The following KLHL3 variants were observed in gnomAD, a reference collection of about 807,000 sequenced individuals.
KLHL3 encodes the protein kelch-like protein 3.
In KLHL3, 19 loss-of-function variants were observed where a neutral mutation model predicts 70.5. The ratio of observed to expected loss-of-function variants is 0.27; its 90% CI spans 0.19 to 0.40. KLHL3 has a LOEUF of 0.40. Among genes scored for constraint, KLHL3 ranks in the 10% least tolerant of loss-of-function variants. KLHL3 has a pLI of 1.00. For synonymous variants in KLHL3, 258 were observed against 290.3 expected, an observed-to-expected ratio of 0.89 and a Z score of 1.13; for missense variants, 512 against 771.1, an observed-to-expected ratio of 0.66 and a Z score of 3.98.
Position 137,709,731 on chromosome 5 carries a change from T to C in KLHL3, c.241+19A>G, listed in dbSNP as rs764423933. The C allele has an allele frequency of 1.9e-6, 3 of 1,587,444 alleles. No homozygotes were observed. The highest frequency in any genetic ancestry group is 2.2e-5 in the South Asian group (2 of 90,598). On this transcript the variant is annotated intron_variant, in intron 3 of 14. Transcript: ENST00000309755. ...CTGCAGCCCCATAACCATGGGTTAA[T>C]GGTGGCCACTCACCATACCTGTGAA...
intron 11 of KLHL3, among the ~76,000 whole-genome samples, chr5:137,635,308 C>A (rs888293317): frequency 6.6e-6 from 1 of 151,946 alleles, no homozygotes. Flanking sequence ...AGAAACACAT[C>A]GTCCTCAGTT....
chr5:137,641,645 G>A (rs967423502), intron 8 of KLHL3, among the ~76,000 whole-genome samples: 24 of 152,154 alleles, frequency 1.6e-4, no homozygotes, highest in Non-Finnish European at 2.9e-4. Context: ...CCATACGGGA[G>A]GCAAAACCAG....
At chr5:137,688,313 G>A (rs1268685754) in intron 5 of KLHL3, among the ~76,000 whole-genome samples, 1 of 152,206 alleles carries the variant, frequency 6.6e-6, no homozygotes, top group Non-Finnish European at 1.5e-5. Context: ...TCAGCCTGAA[G>A]ATCATGCTGA....
intron 3 of KLHL3, among the ~76,000 whole-genome samples, chr5:137,708,529 TA>T (rs1752727283): frequency 6.6e-6 from 1 of 152,166 alleles, no homozygotes; most frequent in Non-Finnish European, 1.5e-5. Flanking sequence ...CTCACTCATT[TA>T]AAAAATATTT....
At chr5:137,624,057 C>T (rs1210787971) in intron 14 of KLHL3, among the ~76,000 whole-genome samples, 1 of 152,210 alleles carries the variant, frequency 6.6e-6, no homozygotes, top group East Asian at 1.9e-4. Flanking sequence ...CATTAAAAAT[C>T]CATAAACTAT....
chr5:137,633,966 A>G (rs1462951411), intron 12 of KLHL3, 71 bp downstream of exon 12: 1 of 1,601,440 alleles, frequency 6.2e-7, no homozygotes. Flanking sequence ...AATCTAAAAT[A>G]AAACAAAAAA....
intron 3 of KLHL3, among the ~76,000 whole-genome samples, chr5:137,701,889 A>T (rs1461283635): frequency 6.6e-6 from 1 of 152,238 alleles, no homozygotes; most frequent in Non-Finnish European, 1.5e-5. Flanking sequence ...GAACTTTCAG[A>T]GAATGTCTGT....
rs148772726 is a variant in KLHL3, at chr5:137,625,230, T to A, written c.1735+523A>T. ...TTGTGATCCACCCTCAAAGTTTAATTGAGCCTATCTCCTCCAGGAAGGGTT... is the reference window on the plus strand; with the variant it reads ...TTGTGATCCACCCTCAAAGTTTAATAGAGCCTATCTCCTCCAGGAAGGGTT... On this transcript the variant is annotated intron_variant, in intron 14 of 14. Coordinates refer to ENST00000309755, the MANE Select transcript of KLHL3 (RefSeq NM_017415.3). 6.6e-3 allele frequency among the ~76,000 whole-genome samples: 1,003 copies of A among 152,390 alleles called. 11 individuals are homozygous for A. The highest frequency in any genetic ancestry group is 0.022 in the African/African-American group (933 of 41,598).
At position 137,720,419 on chromosome 5, in the gene KLHL3, T is replaced by C. The variant is rs752470011; in HGVS notation, c.134+46A>G. 1.4e-5 allele frequency: 23 copies of C among 1,611,378 alleles called. No individual in the cohort carries two copies. In the Admixed American group the frequency reaches 2.7e-4, roughly 19 times the overall value. ...TGTTCTCAGTCCTTGATGAAGCTCA[T>C]GGACAAGTTCCTTCTGCAAGGGCAC... On this transcript the variant is annotated intron_variant, in intron 2 of 14. Transcript: ENST00000309755.
intron 1 of KLHL3, among the ~76,000 whole-genome samples, chr5:137,724,779 C>T (rs927437057): frequency 1.3e-5 from 2 of 152,160 alleles, no homozygotes; most frequent in African/African-American, 4.8e-5. Flanking sequence ...TTCTTGGCAA[C>T]TCTAACCTTC....
At chr5:137,658,052 A>C in intron 8 of KLHL3, 79 bp downstream of exon 8, 1 of 1,412,486 alleles carries the variant, frequency 7.1e-7, no homozygotes, top group Non-Finnish European at 9.7e-7. Context: ...TGGGTGAGGA[A>C]AGACTTGGAG....
intron 11 of KLHL3, among the ~76,000 whole-genome samples, chr5:137,636,675 A>G (rs1465114623): frequency 2.0e-5 from 3 of 152,170 alleles, no homozygotes; most frequent in Non-Finnish European, 4.4e-5. Flanking sequence ...TCTCCTTCAC[A>G]AGGGTTTTGC....
intron 1 of KLHL3, among the ~76,000 whole-genome samples, chr5:137,734,371 C>T (rs770690658): frequency 2.1e-4 from 32 of 152,144 alleles, no homozygotes; most frequent in Non-Finnish European, 3.7e-4. Flanking sequence ...AAAGAGCACC[C>T]AGAAAGAGAA....
intron 6 of KLHL3, among the ~76,000 whole-genome samples, chr5:137,671,099 T>G (rs1751748109): frequency 6.6e-6 from 1 of 152,124 alleles, no homozygotes; most frequent in African/African-American, 2.4e-5. Context: ...CTTAAATCTC[T>G]TCACAGACTC....
intron 4 of KLHL3, among the ~76,000 whole-genome samples, chr5:137,697,622 G>A (rs538212268): frequency 6.6e-6 from 1 of 152,278 alleles, no homozygotes; most frequent in South Asian, 2.1e-4. Flanking sequence ...AACCTCATAA[G>A]ACAGAAGCTT....
chr5:137,702,182 G>A (rs769629044), intron 3 of KLHL3, among the ~76,000 whole-genome samples: 6 of 152,188 alleles, frequency 3.9e-5, no homozygotes, highest in Non-Finnish European at 7.3e-5. Context: ...TAGAAAAGGG[G>A]ATGTAGCTTT....
At chr5:137,680,013 CCT>C (rs920256161) in intron 5 of KLHL3, among the ~76,000 whole-genome samples, 2 of 152,204 alleles carry the variant, frequency 1.3e-5, no homozygotes, top group African/African-American at 2.4e-5. Flanking sequence ...ACTAGGGTCC[CCT>C]CTCTGTTACC....
chr5:137,638,453 CTAGA>C (rs138816136), intron 10 of KLHL3, among the ~76,000 whole-genome samples: 79 of 152,248 alleles, frequency 5.2e-4, no homozygotes, highest in African/African-American at 1.8e-3. Context: ...AATTTTGAAG[CTAGA>C]TAGAGTCCAG....
chr5:137,645,784 C>CA (rs1195128241), intron 8 of KLHL3, among the ~76,000 whole-genome samples: 5 of 37,130 alleles, frequency 1.3e-4, no homozygotes, highest in African/African-American at 4.1e-4. Flanking sequence ...ACATTCTTCA[C>CA]AAAAATAAGA....
Sources: gnomAD v4.1 joint callset for allele counts (sites outside exome capture counted in the v4.1 genomes callset) on GRCh38, gnomAD v4.1.1 for gene constraint, MANE v1.5 for transcripts, NCBI Gene and HGNC (gene_info 2026-07-23, HGNC 2026-07-21) for gene names.